Variants in BNC2 observed in about 807,000 individuals in gnomAD.
The protein encoded by BNC2 is basonuclin zinc finger protein 2, also known as zinc finger protein basonuclin-2.
Under a neutral mutation model 76.3 loss-of-function variants are expected in BNC2, and 20 were observed. The observed-to-expected ratio is 0.26, with a 90% confidence interval of 0.18 to 0.38. BNC2 has a LOEUF of 0.38. Among genes scored for constraint, BNC2 ranks in the 10% least tolerant of loss-of-function variants. The pLI, the probability that BNC2 is intolerant of heterozygous loss-of-function variation, is 1.00. For synonymous variants in BNC2, 582 were observed against 514.8 expected, an observed-to-expected ratio of 1.13 and a Z score of -1.77; for missense variants, 1,382 against 1,399.8, an observed-to-expected ratio of 0.99 and a Z score of 0.20.
intron 5 of BNC2, among the ~76,000 whole-genome samples, chr9:16,517,693 A>C (rs1817480319): frequency 6.6e-6 from 1 of 152,156 alleles, no homozygotes; most frequent in African/African-American, 2.4e-5. Flanking sequence ...CTTCCTCCAA[A>C]GCTTAAAGGA....
At chr9:16,748,922 C>CTATATATATATATATATATATATATA (rs34314862) in intron 1 of BNC2, among the ~76,000 whole-genome samples, 1 of 130,566 alleles carries the variant, frequency 7.7e-6, no homozygotes, top group African/African-American at 3.1e-5. Context: ...ACTTTTTATA[C>CTATATATATATATATATATATATATA]TATATATATA....
chr9:16,631,110 G>A (rs1459214380), intron 3 of BNC2, among the ~76,000 whole-genome samples: 2 of 152,100 alleles, frequency 1.3e-5, no homozygotes, highest in Non-Finnish European at 2.9e-5. Context: ...TGGGGTACGT[G>A]TGTGTTCTCT....
At chr9:16,766,937 A>C (rs1044725193) in intron 1 of BNC2, among the ~76,000 whole-genome samples, 2 of 152,248 alleles carry the variant, frequency 1.3e-5, no homozygotes, top group Non-Finnish European at 2.9e-5. Flanking sequence ...CAAAGAGAGG[A>C]AAGAGGGACT....
intron 2 of BNC2, among the ~76,000 whole-genome samples, chr9:16,736,667 G>C (rs73419969): frequency 6.6e-6 from 1 of 151,270 alleles, no homozygotes; most frequent in South Asian, 2.1e-4. Context: ...GTAGAGACGG[G>C]GTTTCAACAT....
At chr9:16,775,443 A>G (rs1017671784) in intron 1 of BNC2, 2 of 151,964 alleles carry the variant, frequency 1.3e-5, no homozygotes, top group Admixed American at 6.5e-5. Context: ...TATGTGTGCT[A>G]GAATTAAAAC....
At chr9:16,726,294 T>C (rs1824316795) in intron 3 of BNC2, among the ~76,000 whole-genome samples, 1 of 152,226 alleles carries the variant, frequency 6.6e-6, no homozygotes, top group South Asian at 2.1e-4. Flanking sequence ...CAGCTTACTG[T>C]ATCAGCAGTA....
Position 16,727,902 on chromosome 9 carries a change from A to T in BNC2, c.225T>A (p.Thr75=). The T allele has an allele frequency of 6.2e-7, 1 of 1,614,176 alleles. No homozygotes were observed. Among genetic ancestry groups the T allele is most frequent in the Non-Finnish European group, 8.5e-7 (1 of 1,180,034 alleles). The part of the protein sequence containing the change: ...ARDLTLRDSC[T]DNSMQFGTRT... ...TGGTTCCGAACTGCATGGAGTTGTCAGTACAGGAGTCTCTTAAAGTCAAGT... is the reference window on the plus strand; with the variant it reads ...TGGTTCCGAACTGCATGGAGTTGTCTGTACAGGAGTCTCTTAAAGTCAAGT... Residue 75 remains threonine (T), a synonymous_variant, in exon 3 of 7, where the codon ACT becomes ACA. Transcript: ENST00000380672.
chr9:16,499,452 G>C (rs893160473), intron 5 of BNC2, among the ~76,000 whole-genome samples: 2 of 151,454 alleles, frequency 1.3e-5, no homozygotes, highest in Non-Finnish European at 2.9e-5. Context: ...TCTTCCTCTG[G>C]TGTATCTCAA....
At chr9:16,833,429 A>T (rs1218700906) in intron 1 of BNC2, among the ~76,000 whole-genome samples, 1 of 152,208 alleles carries the variant, frequency 6.6e-6, no homozygotes, top group Non-Finnish European at 1.5e-5. Flanking sequence ...AAATGCCAAG[A>T]AGGAAGAGAA....
intron 5 of BNC2, among the ~76,000 whole-genome samples, chr9:16,441,049 C>T (rs994260260): frequency 7.2e-5 from 11 of 152,026 alleles, no homozygotes; most frequent in South Asian, 2.1e-4. Context: ...TCATTGGCTG[C>T]GCGTTGTGGC....
chr9:16,561,908 G>T (rs1819028282), intron 4 of BNC2, among the ~76,000 whole-genome samples: 1 of 152,104 alleles, frequency 6.6e-6, no homozygotes, highest in South Asian at 2.1e-4. Context: ...GGAGGCTGAG[G>T]TGGGAGGATC....
intron 3 of BNC2, among the ~76,000 whole-genome samples, chr9:16,717,220 T>C (rs922839515): frequency 6.6e-6 from 1 of 152,206 alleles, no homozygotes; most frequent in Non-Finnish European, 1.5e-5. Context: ...CTGAAAGATA[T>C]GATCTTATAG....
intron 6 of BNC2, among the ~76,000 whole-genome samples, chr9:16,424,890 A>T (rs1423537534): frequency 6.6e-6 from 1 of 152,194 alleles, no homozygotes; most frequent in Non-Finnish European, 1.5e-5. Flanking sequence ...TCATTTATTA[A>T]CGATAGGATG....
At chr9:16,585,684 G>C (rs543224726) in intron 3 of BNC2, among the ~76,000 whole-genome samples, 3 of 152,174 alleles carry the variant, frequency 2.0e-5, no homozygotes, top group African/African-American at 7.2e-5. Context: ...CGTGATCACT[G>C]GCCAACTCAC....
intron 1 of BNC2, among the ~76,000 whole-genome samples, chr9:16,760,998 T>C (rs1825536386): frequency 6.6e-6 from 1 of 152,086 alleles, no homozygotes; most frequent in African/African-American, 2.4e-5. Flanking sequence ...ATCCCAGCTC[T>C]TTGGGAGGCT....
chr9:16,518,576 ATATT>A lies in BNC2; in HGVS notation c.669+33950_669+33953del, dbSNP rs202094602. Among the ~76,000 whole-genome samples the A allele has an allele frequency of 0.018, 1,347 of 74,596 alleles. 64 individuals carry two copies. In the South Asian group the frequency reaches 0.24, roughly 13 times the overall value. The allele number at this position is 74,596 out of a possible 152,430, so 48.9% of individuals were successfully genotyped here. On this transcript the variant is annotated intron_variant, in intron 5 of 6. Coordinates refer to ENST00000380672, the MANE Select transcript of BNC2 (RefSeq NM_017637.6). ...ACAGGTGCAAAAGTCATATATATAT[ATATT>A]TTTTGTTGTTGTTGTTGTTGTTTGT...
intron 1 of BNC2, among the ~76,000 whole-genome samples, chr9:16,796,865 G>A (rs535879084): frequency 1.3e-5 from 2 of 152,264 alleles, no homozygotes; most frequent in South Asian, 4.1e-4. Flanking sequence ...AATGCCTTTT[G>A]TGGGTCTCTG....
intron 1 of BNC2, among the ~76,000 whole-genome samples, chr9:16,818,273 G>A (rs998326860): frequency 1.3e-5 from 2 of 152,120 alleles, no homozygotes; most frequent in Admixed American, 6.5e-5. Context: ...GCGAGTTGGC[G>A]GGCGCCTGTA....
chr9:16,599,154 A>G (rs1280555521), intron 3 of BNC2, among the ~76,000 whole-genome samples: 2 of 152,214 alleles, frequency 1.3e-5, no homozygotes, highest in African/African-American at 2.4e-5. Context: ...ATATAAAAAC[A>G]TAAACAAATA....
Sources: gnomAD v4.1 joint callset for allele counts (sites outside exome capture counted in the v4.1 genomes callset) on GRCh38, gnomAD v4.1.1 for gene constraint, MANE v1.5 for transcripts, NCBI Gene and HGNC (gene_info 2026-07-23, HGNC 2026-07-21) for gene names.